Variants in TTC21A observed in about 807,000 individuals in gnomAD.
TTC21A encodes tetratricopeptide repeat protein 21A.
In TTC21A, 128 loss-of-function variants were observed where a neutral mutation model predicts 156.4. The ratio of observed to expected loss-of-function variants is 0.82; its 90% CI spans 0.71 to 0.95. The LOEUF is 0.95. Ranked by LOEUF, TTC21A falls within the 40% of genes least tolerant of loss-of-function variation. The probability of loss-of-function intolerance (pLI) is 0.00; values close to 1 mark genes in which losing one functional copy is unlikely to be tolerated. For synonymous variants in TTC21A, 587 were observed against 617.1 expected (o/e 0.95, Z 0.72); for missense variants, 1,435 against 1,602.3 (o/e 0.90, Z 1.78).
chr3:39,113,235 GTCTTCTAGTCT>G (rs2036984325), intron 5 of TTC21A, among the ~76,000 whole-genome samples: 1 of 152,210 alleles, frequency 6.6e-6, no homozygotes. Flanking sequence ...TTAGGGCAAT[GTCTTCTAGTCT>G]TCTTTCTATA....
chr3:39,125,468 A>C lies in TTC21A; in HGVS notation c.1328A>C (p.Glu443Ala). The change falls in exon 11 of 29, where the codon GAA becomes GCA. Residue 443 changes from glutamate (E) to alanine (A), a missense_variant. Glu to Ala is a moderately radical substitution (Grantham distance 107, BLOSUM62 -1). Coordinates refer to ENST00000683103, the MANE Select transcript of TTC21A (RefSeq NM_001366900.1). ...QGIPLGSEYF[E>A]KLDPYFLVCI... ...ATCCCTCTTGGCTCTGAGTACTTTG[A>C]AAAGCTGGACCCGTACTTCCTGGTC... The C allele has an allele frequency of 3.7e-6, 6 of 1,614,076 alleles. No homozygotes were observed. Among genetic ancestry groups the C allele is most frequent in the Non-Finnish European group, 5.1e-6 (6 of 1,179,968 alleles).
chr3:39,111,740 C>A (rs2125750966), intron 4 of TTC21A, among the ~76,000 whole-genome samples: 1 of 152,258 alleles, frequency 6.6e-6, no homozygotes, highest in South Asian at 2.1e-4. Context: ...ACTAACATTT[C>A]TTGGAAGGGG....
In TTC21A at chr3:39,134,911, G is replaced by T. The variant is rs531336404; in HGVS notation, c.2863-182G>T. ...TGGGAAGTCCTCACCTTCTGGGTGG[G>T]GGCCTGAGAAACCCTCAGGCTTCTC... On this transcript the variant is annotated intron_variant, in intron 21 of 28. Coordinates refer to ENST00000683103, the MANE Select transcript of TTC21A (RefSeq NM_001366900.1). This position sits in a 1 kb window ranked among gnomAD's most constrained non-coding sequence, Gnocchi z 4.6. 126 of 612,422 alleles carry T rather than the reference G, an allele frequency of 2.1e-4. No homozygotes were observed. In the South Asian group the frequency reaches 2.3e-3, roughly 11 times the overall value. The allele number at this position is 612,422 out of a possible 1,614,324, so 37.9% of individuals were successfully genotyped here.
rs1413143478 is a variant in TTC21A, at chr3:39,129,089, C to T, written c.1914C>T (p.Val638=). Reference sequence around the variant, plus strand: ...TGTTTTAGCATGAGGCCACCAAGGTCATGCAGGACACCATCAATGAGTTCG... The same window carrying T: ...TGTTTTAGCATGAGGCCACCAAGGTTATGCAGGACACCATCAATGAGTTCG... ...LNGELHEATK[V]MQDTINEFGG... Residue 638 remains valine, a synonymous_variant, in exon 15 of 29, where the codon GTC becomes GTT. Transcript: ENST00000683103. 6.2e-7 allele frequency: 1 copy of T among 1,614,096 alleles called. No individual in the cohort carries two copies. The highest frequency in any genetic ancestry group is 8.5e-7 in the Non-Finnish European group (1 of 1,180,054).
intron 20 of TTC21A, 136 bp downstream of exon 20, chr3:39,133,376 C>T (rs1054821421): frequency 3.4e-6 from 3 of 894,156 alleles, no homozygotes; most frequent in African/African-American, 1.7e-5. Flanking sequence ...GCATGGGAGG[C>T]CAGCTAGCAG....
intron 5 of TTC21A, 79 bp from the exon 6 acceptor site, chr3:39,114,504 GAC>G: frequency 7.1e-7 from 1 of 1,402,530 alleles, no homozygotes; most frequent in Non-Finnish European, 1.0e-6. Context: ...TTTTCATGGA[GAC>G]ACAGAGACAA....
At chr3:39,109,291 T>G (rs1300420543) in intron 2 of TTC21A, 77 bp downstream of exon 2, 1 of 1,496,090 alleles carries the variant, frequency 6.7e-7, no homozygotes, top group Non-Finnish European at 9.2e-7. Flanking sequence ...CCTGGATGCC[T>G]TCTTGTATCC....
chr3:39,129,363 G>GAAACACTCCCTA, intron 15 of TTC21A, 53 bp downstream of exon 15: 1 of 1,361,654 alleles, frequency 7.3e-7, no homozygotes, highest in Non-Finnish European at 1.0e-6. Flanking sequence ...GTATCTTAGG[G>GAAACACTCCCTA]AGTGTTTCCT....
In TTC21A at chr3:39,130,925, C is replaced by T. The variant is rs150842250; in HGVS notation, c.2459-67C>T. On this transcript the variant is annotated intron_variant, in intron 18 of 28. Transcript: ENST00000683103. This position sits in a 1 kb window ranked among gnomAD's most constrained non-coding sequence, Gnocchi z 4.5. ...CCATTAGCTGAAGTCCTGATCCCAGCGCTCCCCACCAACACAGCTTCCCAG... is the reference window on the plus strand; with the variant it reads ...CCATTAGCTGAAGTCCTGATCCCAGTGCTCCCCACCAACACAGCTTCCCAG... The T allele has an allele frequency of 1.0e-3, 1,662 of 1,605,682 alleles. 15 individuals carry two copies. In the African/African-American group the frequency reaches 0.019, roughly 19 times the overall value.
intron 22 of TTC21A, 99 bp from the exon 23 acceptor site, chr3:39,136,258 G>T (rs537354985): frequency 1.5e-4 from 204 of 1,323,480 alleles, no homozygotes; most frequent in Non-Finnish European, 1.9e-4. Flanking sequence ...GCTCAGCCCA[G>T]ATGGGCAGTA....
chr3:39,132,972 T>C, intron 19 of TTC21A, 80 bp from the exon 20 acceptor site: 1 of 1,516,836 alleles, frequency 6.6e-7, no homozygotes, highest in Non-Finnish European at 9.0e-7. Flanking sequence ...CTTCTGGCTT[T>C]GAATTAAGAA....
intron 19 of TTC21A, among the ~76,000 whole-genome samples, chr3:39,132,082 C>T (rs890974703): frequency 1.3e-5 from 2 of 152,100 alleles, no homozygotes; most frequent in African/African-American, 4.8e-5. Flanking sequence ...TAGCCTATTG[C>T]TCTGAGTCTA....
chr3:39,126,668 C>T (rs940131882), intron 12 of TTC21A, among the ~76,000 whole-genome samples: 1 of 152,042 alleles, frequency 6.6e-6, no homozygotes, highest in Non-Finnish European at 1.5e-5. Flanking sequence ...CACACGTGCA[C>T]ACACACACAG....
intron 5 of TTC21A, among the ~76,000 whole-genome samples, chr3:39,114,082 A>G (rs1175800519): frequency 6.6e-6 from 1 of 152,226 alleles, no homozygotes; most frequent in African/African-American, 2.4e-5. Context: ...ACCACAGCCC[A>G]ATAGGCCTTG....
At chr3:39,128,631 C>T in intron 13 of TTC21A, 86 bp from the exon 14 acceptor site, 2 of 1,564,334 alleles carry the variant, frequency 1.3e-6, no homozygotes, top group Non-Finnish European at 8.7e-7. Context: ...CAGTGGGCTC[C>T]TGAGGCTTTC....
intron 1 of TTC21A, 84 bp downstream of exon 1, chr3:39,107,948 C>T (rs1444902290): frequency 3.3e-6 from 5 of 1,526,424 alleles, no homozygotes; most frequent in Non-Finnish European, 4.5e-6. Context: ...TACTCTCCTG[C>T]CACCCTTCGC....
Position 39,130,107 on chromosome 3 carries a change from C to A in TTC21A, c.2164C>A (p.His722Asn). ...RELCEHLPGPHTSLLLGDALM... is the reference protein window; with the variant it reads ...RELCEHLPGPNTSLLLGDALM... ...GCTCTGTGAACATCTGCCTGGCCCC[C>A]ACACCAGCCTGCTACTGGGCGATGC... The change falls in exon 16 of 29, where the codon CAC becomes AAC. Residue 722 changes from histidine to asparagine, a missense_variant. Transcript: ENST00000683103. The surrounding 1 kb of genome is among the most constrained non-coding windows in gnomAD (Gnocchi z 4.5). 6.2e-7 allele frequency: 1 copy of A among 1,614,132 alleles called. No homozygotes were observed. Among genetic ancestry groups the A allele is most frequent in the Non-Finnish European group, 8.5e-7 (1 of 1,180,010 alleles).
At position 39,138,548 on chromosome 3, in the gene TTC21A, C is replaced by T. The variant is rs774203139; in HGVS notation, c.3797-8C>T. ...TGCCACCATCTTTGCTCTCCATGTC[C>T]CCGGTAGGCTTCAAACTTGCTTTCA... On this transcript the variant is annotated splice_region_variant and splice_polypyrimidine_tract_variant and intron_variant, in intron 27 of 28. Coordinates refer to ENST00000683103, the MANE Select transcript of TTC21A (RefSeq NM_001366900.1). 1 of 1,614,158 alleles carries T rather than the reference C, an allele frequency of 6.2e-7. No homozygotes were observed. Among genetic ancestry groups the T allele is most frequent in the Admixed American group, 1.7e-5 (1 of 60,026 alleles).
Position 39,134,624 on chromosome 3 carries a change from T to C in TTC21A, c.2862+296T>C. ...TAGGTGAAGGCAAGGGCGGGACAGGTTCCTGGGGCTTCAGGAAAAGCCCTC... is the reference window on the plus strand; with the variant it reads ...TAGGTGAAGGCAAGGGCGGGACAGGCTCCTGGGGCTTCAGGAAAAGCCCTC... On this transcript the variant is annotated intron_variant, in intron 21 of 28. Coordinates refer to ENST00000683103, the MANE Select transcript of TTC21A (RefSeq NM_001366900.1). The surrounding 1 kb of genome is among the most constrained non-coding windows in gnomAD (Gnocchi z 4.6). 2.0e-6 allele frequency: 1 copy of C among 512,120 alleles called. No homozygotes were observed. Among genetic ancestry groups the C allele is most frequent in the Non-Finnish European group, 3.6e-6 (1 of 279,974 alleles). The allele number at this position is 512,120 out of a possible 1,614,324, so 31.7% of individuals were successfully genotyped here.
Sources: allele counts gnomAD v4.1 joint callset (sites outside exome capture counted in the v4.1 genomes callset), GRCh38; gene constraint gnomAD v4.1.1; non-coding constraint Gnocchi (gnomAD v3.1); transcripts MANE v1.5; gene names NCBI Gene and HGNC (gene_info 2026-07-23, HGNC 2026-07-21).